The following LRRC9 variants were observed in gnomAD, a reference collection of about 807,000 sequenced individuals.
LRRC9 encodes the protein leucine rich repeat containing 9.
In LRRC9, 122 loss-of-function variants were observed where a neutral mutation model predicts 63.2. That is an observed-to-expected ratio of 1.93 (90% CI 1.67 to 2.24). The LOEUF is 2.24. Ranked by LOEUF, LRRC9 falls within the 30% of genes most tolerant of loss-of-function variation. The pLI is 0.00. For missense variants in LRRC9, 1,071 were observed against 627.7 expected (o/e 1.71, Z -7.55); for synonymous variants, 366 against 213.1 (o/e 1.72, Z -6.25).
chr14:59,931,605 G>A lies in LRRC9; in HGVS notation c.409-14G>A, dbSNP rs958238083. The stretch of plus-strand genomic sequence containing the variant: ...AATTATCTGTTCTAAATAATATGTT[G>A]TCTAAATTTTTAGGGTTTGCAAACT... On this transcript the variant is annotated splice_polypyrimidine_tract_variant and intron_variant, in intron 4 of 31. Coordinates refer to ENST00000445360, the Ensembl canonical transcript of LRRC9. 1 of 689,884 alleles carries A rather than the reference G, an allele frequency of 1.4e-6. No individual in the cohort carries two copies. The highest frequency in any genetic ancestry group is 2.6e-6 in the Non-Finnish European group (1 of 380,656). The allele number at this position is 689,884 out of a possible 1,614,324, so 42.7% of individuals were successfully genotyped here.
At position 59,966,937 on chromosome 14, in the gene LRRC9, C is replaced by A. The variant is rs1419564732; in HGVS notation, c.1389-159C>A. On this transcript the variant is annotated intron_variant, in intron 11 of 31. Coordinates refer to ENST00000445360, the Ensembl canonical transcript of LRRC9. This position sits in a 1 kb window ranked among gnomAD's most constrained non-coding sequence, Gnocchi z 4.0. ...GACCTCATAATTTATCCACATTGAG[C>A]CTGTTTTTGAGGTTGAAGGCAGGGG... Among the ~76,000 whole-genome samples the A allele has an allele frequency of 1.3e-5, 2 of 152,156 alleles. No homozygotes were observed. The highest frequency in any genetic ancestry group is 1.3e-4 in the Admixed American group (2 of 15,280).
intron 23 of LRRC9, among the ~76,000 whole-genome samples, chr14:60,014,998 AC>A (rs141456531): frequency 0.019 from 2,948 of 152,074 alleles, 52 homozygotes; most frequent in South Asian, 0.047. Context: ...TTTTGTTCAT[AC>A]TGGGTAATGT....
At chr14:60,000,581 A>G (rs1254158583) in intron 19 of LRRC9, among the ~76,000 whole-genome samples, 1 of 152,160 alleles carries the variant, frequency 6.6e-6, no homozygotes, top group African/African-American at 2.4e-5. Context: ...AAACTTTATA[A>G]ATAACAGAGC....
rs1889767928 is a variant in LRRC9 at position 59,932,247 on chromosome 14, T to G, written c.543+208T>G. 6.6e-6 allele frequency among the ~76,000 whole-genome samples: 1 copy of G among 152,078 alleles called. No individual in the cohort carries two copies. The highest frequency in any genetic ancestry group is 2.4e-5 in the African/African-American group (1 of 41,432). ...AACAAATAACTATTTACCTGGCTCTTAGGATACCATTTTCTCTTAGTTTTC... is the reference window on the plus strand; with the variant it reads ...AACAAATAACTATTTACCTGGCTCTGAGGATACCATTTTCTCTTAGTTTTC... On this transcript the variant is annotated intron_variant, in intron 6 of 31. Transcript: ENST00000445360. This position sits in a 1 kb window ranked among gnomAD's most constrained non-coding sequence, Gnocchi z 4.7.
intron 12 of LRRC9, among the ~76,000 whole-genome samples, chr14:59,972,260 G>T (rs966038322): frequency 6.6e-6 from 1 of 152,088 alleles, no homozygotes; most frequent in African/African-American, 2.4e-5. Flanking sequence ...TTTTCAAACA[G>T]TAGGTGCCCT....
intron 29 of LRRC9, among the ~76,000 whole-genome samples, chr14:60,052,715 GAATT>G (rs1375546217): frequency 6.6e-6 from 1 of 152,174 alleles, no homozygotes; most frequent in African/African-American, 2.4e-5. Context: ...GGTGTGTGTT[GAATT>G]AATTAGATAG....
chr14:59,956,309 T>C (rs530580047), intron 8 of LRRC9, among the ~76,000 whole-genome samples: 1 of 151,572 alleles, frequency 6.6e-6, no homozygotes, highest in South Asian at 2.1e-4. Flanking sequence ...ATTTTATGAA[T>C]CTGGGTGCTC....
Position 59,959,824 on chromosome 14 carries a change from C to T in LRRC9, c.889C>T (p.Arg297Ter), listed in dbSNP as rs759030067. Residue 297 changes from arginine (R) to a stop codon, truncating the protein, a stop_gained, in exon 9 of 32, where the codon CGA (arginine) becomes TGA (stop). Transcript: ENST00000445360. LOFTEE classifies it high-confidence loss of function. ...GACACATTGTTTTCCACAGTTGGAA[C>T]GAGAACTGGCTGAACTCAAGGGCTC... is the stretch of plus-strand genomic sequence containing the variant. 21 of 616,052 alleles carry T rather than the reference C, an allele frequency of 3.4e-5. No individual in the cohort carries two copies. Among genetic ancestry groups the T allele is most frequent in the East Asian group, 8.6e-5 (3 of 35,012 alleles). The allele number at this position is 616,052 out of a possible 1,614,324, so 38.2% of individuals were successfully genotyped here. A position where few individuals can be genotyped will look rare whatever the true frequency, so the allele number is the denominator to read the frequency against.
Position 60,018,138 on chromosome 14 carries a change from G to GT in LRRC9, c.3318-225dup, listed in dbSNP as rs148802526. Among the ~76,000 whole-genome samples the GT allele has an allele frequency of 3.8e-3, 571 of 151,376 alleles. 4 individuals carry two copies. Among genetic ancestry groups the GT allele is most frequent in the East Asian group, 0.015 (79 of 5,154 alleles). Reference sequence around the variant, plus strand: ...GCTATGTTTATATGGTAATAGATGTGTTTTTTTTGAAAGCAACCAAATTCT... The same window carrying GT: ...GCTATGTTTATATGGTAATAGATGTGTTTTTTTTTGAAAGCAACCAAATTCT... On this transcript the variant is annotated intron_variant, in intron 24 of 31. Coordinates refer to ENST00000445360, the Ensembl canonical transcript of LRRC9.
chr14:59,973,611 C>A (rs1216713465), intron 12 of LRRC9: 3 of 152,094 alleles, frequency 2.0e-5, no homozygotes, highest in African/African-American at 7.2e-5. Flanking sequence ...AGACTACTTA[C>A]AATGCAATGT....
At chr14:59,926,090 CTG>C (rs1171495596) in intron 1 of LRRC9, among the ~76,000 whole-genome samples, 2 of 152,184 alleles carry the variant, frequency 1.3e-5, no homozygotes, top group Non-Finnish European at 2.9e-5. Context: ...CCATATGAAA[CTG>C]TGAGTCAATT....
At chr14:59,973,098 T>C (rs1170275183) in intron 12 of LRRC9, among the ~76,000 whole-genome samples, 2 of 152,056 alleles carry the variant, frequency 1.3e-5, no homozygotes, top group African/African-American at 2.4e-5. Context: ...CCTATTTGTA[T>C]ACCTTCATGT....
In LRRC9 at chr14:59,938,909, ATACACATATG is replaced by A; in HGVS notation, c.726+338_726+347del. Among the ~76,000 whole-genome samples, 1 of 117,198 alleles carries A rather than the reference ATACACATATG, an allele frequency of 8.5e-6. No individual in the cohort carries two copies. The highest frequency in any genetic ancestry group is 3.5e-4 in the East Asian group (1 of 2,860). The allele number at this position is 117,198 out of a possible 152,430, so 76.9% of individuals were successfully genotyped here. ...CATATATACACATATATATACATAT[ATACACATATG>A]CATATATATACACATATATACATAT... On this transcript the variant is annotated intron_variant, in intron 7 of 31. Coordinates refer to ENST00000445360, the Ensembl canonical transcript of LRRC9. The surrounding 1 kb of genome is among the most constrained non-coding windows in gnomAD (Gnocchi z 4.2).
intron 1 of LRRC9, among the ~76,000 whole-genome samples, chr14:59,921,536 T>G (rs949186525): frequency 6.6e-6 from 1 of 151,892 alleles, no homozygotes; most frequent in East Asian, 1.9e-4. Context: ...GGGGATAGAG[T>G]CAAAGATTGG....
chr14:60,002,716 C>T (rs536780304), intron 20 of LRRC9, among the ~76,000 whole-genome samples: 1 of 152,096 alleles, frequency 6.6e-6, no homozygotes, highest in African/African-American at 2.4e-5. Flanking sequence ...ATGGGCTGGG[C>T]CTTGACTGCG....
At chr14:60,055,906 GAAAAA>G (rs11395416) in intron 30 of LRRC9, among the ~76,000 whole-genome samples, 1 of 140,644 alleles carries the variant, frequency 7.1e-6, no homozygotes, top group Non-Finnish European at 1.5e-5. Context: ...CCCTGTCTTG[GAAAAA>G]AAAAAAAAAA....
At chr14:60,056,813 A>C (rs1248289339) in intron 30 of LRRC9, among the ~76,000 whole-genome samples, 1 of 152,182 alleles carries the variant, frequency 6.6e-6, no homozygotes, top group African/African-American at 2.4e-5. Flanking sequence ...AGTACAGAAA[A>C]CTTCTGAAGT....
At chr14:59,921,047 A>G (rs1888729950) in intron 1 of LRRC9, among the ~76,000 whole-genome samples, 1 of 152,236 alleles carries the variant, frequency 6.6e-6, no homozygotes, top group Non-Finnish European at 1.5e-5. Flanking sequence ...GAATGCTTAT[A>G]ATACTACCAG....
chr14:60,013,335 C>G (rs219386), intron 23 of LRRC9, among the ~76,000 whole-genome samples: 113,466 of 151,914 alleles, frequency 0.75, 44,494 homozygotes, highest in Non-Finnish European at 0.87. Context: ...CAGGCTGGGA[C>G]TCACAGGGAT....
Sources: allele counts gnomAD v4.1 joint callset (sites outside exome capture counted in the v4.1 genomes callset), GRCh38; gene constraint gnomAD v4.1.1; non-coding constraint Gnocchi (gnomAD v3.1); transcripts MANE v1.5; gene names NCBI Gene and HGNC (gene_info 2026-07-23, HGNC 2026-07-21).